CSNK2B: variants seen among roughly 807,000 people sequenced by gnomAD.
CSNK2B encodes casein kinase II subunit beta.
Under a neutral mutation model 28.8 loss-of-function variants are expected in CSNK2B, and 2 were observed. That is an observed-to-expected ratio of 0.07 (90% CI 0.03 to 0.22). The LOEUF (loss-of-function observed/expected upper bound fraction) is 0.22, where lower values mean the gene tolerates loss of function less well. Among genes scored for constraint, CSNK2B ranks in the 10% least tolerant of loss-of-function variants. The pLI, the probability that CSNK2B is intolerant of heterozygous loss-of-function variation, is 1.00. For synonymous variants in CSNK2B, 89 were observed against 96.1 expected (o/e 0.93, Z 0.43); for missense variants, 107 against 277.9 (o/e 0.39, Z 4.37).
chr6:31,668,236 T>C (rs1235847358), intron 3 of CSNK2B: 2 of 605,548 alleles, frequency 3.3e-6, no homozygotes, highest in Non-Finnish European at 5.8e-6. Flanking sequence ...TCTCCTGCTT[T>C]GCACCTTCCA....
rs767467400 is a variant in CSNK2B at position 31,669,419 on chromosome 6, C to T, written c.468C>T (p.Gly156=). The change falls in exon 6 of 7, where the codon GGC becomes GGT. Residue 156 remains glycine, a synonymous_variant. Transcript: ENST00000375882. This position sits in a 1 kb window ranked among gnomAD's most constrained non-coding sequence, Gnocchi z 4.8. ...CATCAAGACACCATCACACGGATGGCGCCTACTTCGGCACTGGTTTCCCTC... is the reference window on the plus strand; with the variant it reads ...CATCAAGACACCATCACACGGATGGTGCCTACTTCGGCACTGGTTTCCCTC... ...PKSSRHHHTD[G]AYFGTGFPHM... is the part of the protein sequence containing the mutation. 58 of 1,614,116 alleles carry T rather than the reference C, an allele frequency of 3.6e-5. 1 individual carries two copies. In the Admixed American group the frequency reaches 3.8e-4, roughly 11 times the overall value.
intron 1 of CSNK2B, 143 bp downstream of exon 1, chr6:31,666,351 G>T (rs1295530155): frequency 1.3e-5 from 3 of 228,496 alleles, no homozygotes; most frequent in Non-Finnish European, 2.2e-5. Flanking sequence ...GCGGAGGGGG[G>T]ATGTGTGGAT....
chr6:31,666,391 C>A, intron 1 of CSNK2B, 183 bp downstream of exon 1: 1 of 186,130 alleles, frequency 5.4e-6, no homozygotes, highest in Non-Finnish European at 1.1e-5. Context: ...CAATCGCCCC[C>A]AACCCGTGAG....
At chr6:31,666,779 G>A in intron 1 of CSNK2B, 42 bp from the exon 2 acceptor site, 1 of 1,516,910 alleles carries the variant, frequency 6.6e-7, no homozygotes. Flanking sequence ...CCAGAGGCAG[G>A]GAAGGAGAAC....
At position 31,666,143 on chromosome 6, in the gene CSNK2B, G is replaced by A. The variant is rs1801668165; in HGVS notation, c.-77G>A. Reference sequence around the variant, plus strand: ...CGGGTCCGCGGCCTGCGCTGTAGCGGTCGCCGCCGTTCCCTGGAAGTAGCA... The same window carrying A: ...CGGGTCCGCGGCCTGCGCTGTAGCGATCGCCGCCGTTCCCTGGAAGTAGCA... On this transcript the variant is annotated 5_prime_UTR_variant, in exon 1 of 7. Transcript: ENST00000375882. 1.6e-5 allele frequency: 16 copies of A among 991,108 alleles called. No homozygotes were observed. The highest frequency in any genetic ancestry group is 1.9e-5 in the Non-Finnish European group (16 of 832,686). 61.4% of individuals were successfully genotyped at this position (991,108 alleles called of 1,614,324 possible).
chr6:31,667,799 G>T (rs368206611), intron 2 of CSNK2B, 69 bp from the exon 3 acceptor site: 1 of 812,954 alleles, frequency 1.2e-6, no homozygotes. Flanking sequence ...GCATCACTTA[G>T]AGCATTTTGC....
Position 31,666,101 on chromosome 6 carries a change from A to G in CSNK2B, c.-119A>G, listed in dbSNP as rs1162809123. On this transcript the variant is annotated 5_prime_UTR_variant, in exon 1 of 7. Coordinates refer to ENST00000375882, the MANE Select transcript of CSNK2B (RefSeq NM_001320.7). ...CCCTAATTTCCACTCCCCCCACCCC[A>G]CTTCGCCTGCCGCGGTCGGGTCCGC... 1.0e-6 allele frequency: 1 copy of G among 965,640 alleles called. No homozygotes were observed. Among genetic ancestry groups the G allele is most frequent in the Non-Finnish European group, 1.2e-6 (1 of 821,986 alleles). 59.8% of individuals were successfully genotyped at this position (965,640 alleles called of 1,614,324 possible).
chr6:31,666,313 C>A, intron 1 of CSNK2B, 105 bp downstream of exon 1: 2 of 479,574 alleles, frequency 4.2e-6, no homozygotes, highest in Non-Finnish European at 5.5e-6. Context: ...CCAGGTCCGG[C>A]ACGAAGGAGG....
rs1338637541 is a variant in CSNK2B, at chr6:31,669,630, T to C, written c.557+122T>C. 6 of 1,152,918 alleles carry C rather than the reference T, an allele frequency of 5.2e-6. No homozygotes were observed. The highest frequency in any genetic ancestry group is 4.7e-5 in the East Asian group (2 of 42,292). The allele number at this position is 1,152,918 out of a possible 1,614,324, so 71.4% of individuals were successfully genotyped here. On this transcript the variant is annotated intron_variant, in intron 6 of 6. Coordinates refer to ENST00000375882, the MANE Select transcript of CSNK2B (RefSeq NM_001320.7). The surrounding 1 kb of genome is among the most constrained non-coding windows in gnomAD (Gnocchi z 4.8). Reference sequence around the variant, plus strand: ...TCCCAGAATCAGGGCATCTCCCTGCTGAGTGACTGTGGGAAAGTTATTTGA... The same window carrying C: ...TCCCAGAATCAGGGCATCTCCCTGCCGAGTGACTGTGGGAAAGTTATTTGA...
chr6:31,668,662 C>T lies in CSNK2B; in HGVS notation c.291+8C>T. ...CGTGGCATCGCCCAGATGGTGAGGC[C>T]TCTCTGCTCCTACCTGCCTCCTTCT... On this transcript the variant is annotated splice_region_variant and intron_variant, in intron 4 of 6. Transcript: ENST00000375882. 6.2e-7 allele frequency: 1 copy of T among 1,608,694 alleles called. No individual in the cohort carries two copies. Among genetic ancestry groups the T allele is most frequent in the Non-Finnish European group, 8.5e-7 (1 of 1,176,052 alleles).
chr6:31,668,298 G>A, intron 3 of CSNK2B: 1 of 600,684 alleles, frequency 1.7e-6, no homozygotes, highest in Non-Finnish European at 3.0e-6. Flanking sequence ...GTATTGAGGA[G>A]GGAGTTGGGA....
rs1036464827 is a variant in CSNK2B, at chr6:31,669,756, G to C, written c.558-80G>C. ...AGCAGGTCCATAGAGGAGCTCAGGTGGGGAGGTGGGAATGCAGGTGACTGG... is the reference window on the plus strand; with the variant it reads ...AGCAGGTCCATAGAGGAGCTCAGGTCGGGAGGTGGGAATGCAGGTGACTGG... On this transcript the variant is annotated intron_variant, in intron 6 of 6. Coordinates refer to ENST00000375882, the MANE Select transcript of CSNK2B (RefSeq NM_001320.7). The surrounding 1 kb of genome is among the most constrained non-coding windows in gnomAD (Gnocchi z 4.8). 4 of 1,271,264 alleles carry C rather than the reference G, an allele frequency of 3.1e-6. No individual in the cohort carries two copies. Among genetic ancestry groups the C allele is most frequent in the East Asian group, 2.3e-5 (1 of 42,854 alleles). The allele number at this position is 1,271,264 out of a possible 1,614,324, so 78.7% of individuals were successfully genotyped here.
intron 1 of CSNK2B, 59 bp downstream of exon 1, chr6:31,666,267 C>T (rs1451331482): frequency 9.0e-6 from 8 of 884,514 alleles, no homozygotes; most frequent in African/African-American, 3.6e-5. Flanking sequence ...CACATGGGGT[C>T]TCCGGACTTT....
chr6:31,668,240 C>T, intron 3 of CSNK2B: 2 of 604,572 alleles, frequency 3.3e-6, no homozygotes, highest in South Asian at 2.0e-5. Flanking sequence ...CTGCTTTGCA[C>T]CTTCCAGTCT....
At position 31,668,652 on chromosome 6, in the gene CSNK2B, A is replaced by G; in HGVS notation, c.289A>G (p.Met97Val). The G allele has an allele frequency of 6.2e-7, 1 of 1,612,330 alleles. No homozygotes were observed. Among genetic ancestry groups the G allele is most frequent in the Non-Finnish European group, 8.5e-7 (1 of 1,179,348 alleles). ...CCTTACCAACCGTGGCATCGCCCAG[A>G]TGGTGAGGCCTCTCTGCTCCTACCT... is the stretch of plus-strand genomic sequence containing the variant. ...YILTNRGIAQ[M>V]LEKYQQGDFG... Residue 97 changes from methionine (M) to valine (V), a missense_variant and splice_region_variant, in exon 4 of 7, where the codon ATG becomes GTG. Met to Val is a conservative substitution (Grantham distance 21). Coordinates refer to ENST00000375882, the MANE Select transcript of CSNK2B (RefSeq NM_001320.7).
rs4569 is a variant in CSNK2B at position 31,670,030 on chromosome 6, C to T, written c.*104C>T. 265,286 of 897,250 alleles carry T rather than the reference C, an allele frequency of 0.3. 42,643 individuals are homozygous for T. Among genetic ancestry groups the T allele is most frequent in the African/African-American group, 0.53 (31,135 of 58,866 alleles). 55.6% of individuals were successfully genotyped at this position (897,250 alleles called of 1,614,324 possible). On this transcript the variant is annotated 3_prime_UTR_variant, in exon 7 of 7. Transcript: ENST00000375882. The stretch of plus-strand genomic sequence containing the variant: ...TAGTTTAAATTAAAGGAGTCGTTAT[C>T]GTGGTGGGAATATGAAATAAAGTAG...
At position 31,669,750 on chromosome 6, in the gene CSNK2B, T is replaced by A. The variant is rs1802049410; in HGVS notation, c.558-86T>A. 8.1e-7 allele frequency: 1 copy of A among 1,234,136 alleles called. No individual in the cohort carries two copies. Among genetic ancestry groups the A allele is most frequent in the African/African-American group, 1.5e-5 (1 of 66,294 alleles). The allele number at this position is 1,234,136 out of a possible 1,614,324, so 76.4% of individuals were successfully genotyped here. ...GCTCTGAGCAGGTCCATAGAGGAGC[T>A]CAGGTGGGGAGGTGGGAATGCAGGT... is the stretch of plus-strand genomic sequence containing the variant. On this transcript the variant is annotated intron_variant, in intron 6 of 6. Transcript: ENST00000375882. The surrounding 1 kb of genome is among the most constrained non-coding windows in gnomAD (Gnocchi z 4.8).
At chr6:31,667,162 C>T (rs987857407) in intron 2 of CSNK2B, 1 of 645,170 alleles carries the variant, frequency 1.5e-6, no homozygotes, top group African/African-American at 1.8e-5. Context: ...GACTGGGTCT[C>T]ACTCTGTCAC....
rs531150144 is a variant in CSNK2B, at chr6:31,667,882, C to T, written c.87C>T (p.Tyr29=). The part of the protein sequence containing the change: ...NEFFCEVDED[Y]IQDKFNLTGL... ...TGTCCTGACAGGTGGATGAAGACTA[C>T]ATCCAGGACAAATTTAATCTTACTG... The change falls in exon 3 of 7, where the codon TAC becomes TAT. Residue 29 remains tyrosine (Y), a synonymous_variant. Coordinates refer to ENST00000375882, the MANE Select transcript of CSNK2B (RefSeq NM_001320.7). 2.6e-6 allele frequency: 4 copies of T among 1,509,648 alleles called. No homozygotes were observed. The highest frequency in any genetic ancestry group is 3.5e-6 in the Non-Finnish European group (4 of 1,133,092). 93.5% of individuals were successfully genotyped at this position (1,509,648 alleles called of 1,614,324 possible). A position where few individuals can be genotyped will look rare whatever the true frequency, so the allele number is the denominator to read the frequency against.
Sources: gnomAD v4.1 joint callset for allele counts on GRCh38, gnomAD v4.1.1 for gene constraint, Gnocchi (gnomAD v3.1) non-coding constraint, MANE v1.5 for transcripts, NCBI Gene and HGNC (gene_info 2026-07-23, HGNC 2026-07-21) for gene names.